HS6ST2: variants seen among roughly 807,000 people sequenced by gnomAD.
HS6ST2 encodes the protein heparan sulfate 6-O-sulfotransferase 2.
Under a neutral mutation model 33.0 loss-of-function variants are expected in HS6ST2, and 17 were observed. The observed-to-expected ratio is 0.52, with a 90% CI of 0.35 to 0.77. HS6ST2 has a LOEUF of 0.77. HS6ST2 is among the 30% of genes least tolerant of loss of function. The pLI, the probability that HS6ST2 is intolerant of heterozygous loss-of-function variation, is 0.01. For missense variants in HS6ST2, 519 were observed against 551.7 expected, an observed-to-expected ratio of 0.94 and a Z score of 0.59; for synonymous variants, 248 against 237.1, an observed-to-expected ratio of 1.05 and a Z score of -0.42.
In HS6ST2 at chrX:132,958,328, C is replaced by T; in HGVS notation, c.275G>A (p.Arg92Gln). Residue 92 changes from arginine to glutamine, a missense_variant, in exon 1 of 5, where the codon CGG becomes CAG. Transcript: ENST00000370833. ...GACGTGCATCCGCCTGCGGCGGCCC[C>T]GGGACAGCAGCGCGAAAAGCGGGGC... ...ACAPLFALLS[R>Q]GRRRRMHVLR... 8.3e-7 allele frequency: 1 copy of T among 1,197,665 alleles called. No homozygotes were observed. Among genetic ancestry groups the T allele is most frequent in the Non-Finnish European group, 1.1e-6 (1 of 893,420 alleles).
At chrX:132,709,841 A>ACACACACACACACACACAC in intron 2 of HS6ST2, among the ~76,000 whole-genome samples, 1 of 109,876 alleles carries the variant, frequency 9.1e-6, no homozygotes, top group African/African-American at 3.3e-5. Flanking sequence ...ACACACACAC[A>ACACACACACACACACACAC]AGAAAATATT....
chrX:132,651,378 G>T (rs2063691338), intron 4 of HS6ST2, among the ~76,000 whole-genome samples: 1 of 111,682 alleles, frequency 9.0e-6, no homozygotes, highest in Non-Finnish European at 1.9e-5. Flanking sequence ...CACTTCCCCA[G>T]AGTTGATCTA....
intron 2 of HS6ST2, among the ~76,000 whole-genome samples, chrX:132,949,567 C>A (rs367974425): frequency 1.8e-5 from 2 of 110,320 alleles, no homozygotes; most frequent in African/African-American, 3.3e-5. Flanking sequence ...TGAGGCTACT[C>A]TCCTCATTAA....
At position 132,739,205 on chromosome X, in the gene HS6ST2, G is replaced by A. The variant is rs190690501; in HGVS notation, c.948-30711C>T. Among the ~76,000 whole-genome samples the A allele has an allele frequency of 6.7e-3, 744 of 111,283 alleles. 6 individuals carry two copies. The highest frequency in any genetic ancestry group is 0.023 in the African/African-American group (697 of 30,600). Reference sequence around the variant, plus strand: ...CTTTGAAGAAGCGGTTGCCAGAGGCGGTGAGCAAGTTCCTTAACCACAGTA... The same window carrying A: ...CTTTGAAGAAGCGGTTGCCAGAGGCAGTGAGCAAGTTCCTTAACCACAGTA... On this transcript the variant is annotated intron_variant, in intron 2 of 4. Coordinates refer to ENST00000370833, the MANE Select transcript of HS6ST2 (RefSeq NM_001394073.1).
chrX:132,733,830 C>T (rs992676435), intron 2 of HS6ST2, among the ~76,000 whole-genome samples: 2 of 109,696 alleles, frequency 1.8e-5, no homozygotes, highest in Non-Finnish European at 1.9e-5. Flanking sequence ...CATTCCTTTA[C>T]ATAAGGTATT....
intron 2 of HS6ST2, among the ~76,000 whole-genome samples, chrX:132,883,506 C>T (rs763760919): frequency 9.0e-6 from 1 of 110,938 alleles, no homozygotes; most frequent in East Asian, 2.9e-4. Context: ...CGTTAACCAA[C>T]AGCTTTTTAT....
intron 2 of HS6ST2, among the ~76,000 whole-genome samples, chrX:132,761,387 A>G (rs2064803995): frequency 9.0e-6 from 1 of 111,063 alleles, no homozygotes. Context: ...GAGACTGCCA[A>G]TGGGATCCCA....
At chrX:132,825,829 T>C (rs1389376237) in intron 2 of HS6ST2, among the ~76,000 whole-genome samples, 1 of 111,863 alleles carries the variant, frequency 8.9e-6, no homozygotes, top group Non-Finnish European at 1.9e-5. Context: ...TTTCCACAAT[T>C]TCCTTTATGT....
intron 2 of HS6ST2, among the ~76,000 whole-genome samples, chrX:132,945,585 G>C (rs1383421744): frequency 9.1e-6 from 1 of 110,492 alleles, no homozygotes; most frequent in African/African-American, 3.3e-5. Context: ...AGTCACAATA[G>C]CAAAGACCTG....
At chrX:132,856,336 A>T (rs1753026973) in intron 2 of HS6ST2, among the ~76,000 whole-genome samples, 1 of 112,158 alleles carries the variant, frequency 8.9e-6, no homozygotes, top group African/African-American at 3.2e-5. Flanking sequence ...CCTAATTTAT[A>T]AGTTAAACTT....
chrX:132,893,647 G>A (rs1305772775), intron 2 of HS6ST2, among the ~76,000 whole-genome samples: 1 of 111,843 alleles, frequency 8.9e-6, no homozygotes, highest in Non-Finnish European at 1.9e-5. Flanking sequence ...CAGGCTGGGA[G>A]ACATTCACCC....
At chrX:132,763,667 C>T (rs926896120) in intron 2 of HS6ST2, among the ~76,000 whole-genome samples, 1 of 111,872 alleles carries the variant, frequency 8.9e-6, no homozygotes, top group Non-Finnish European at 1.9e-5. Flanking sequence ...GCTCACTTGA[C>T]GATGCTAGGG....
upstream of HS6ST2, among the ~76,000 whole-genome samples, chrX:132,959,796 A>C (rs934446536): frequency 2.7e-5 from 3 of 112,184 alleles, no homozygotes; most frequent in Non-Finnish European, 3.8e-5. Context: ...GATGAAATGT[A>C]GAAACCTTTA....
At chrX:132,710,176 T>A (rs2064219206) in intron 2 of HS6ST2, among the ~76,000 whole-genome samples, 1 of 110,767 alleles carries the variant, frequency 9.0e-6, no homozygotes, top group Admixed American at 9.6e-5. Flanking sequence ...GAGTATTGAG[T>A]GACGATCCAT....
At chrX:132,946,172 T>G (rs894759072) in intron 2 of HS6ST2, among the ~76,000 whole-genome samples, 1 of 111,890 alleles carries the variant, frequency 8.9e-6, no homozygotes, top group Non-Finnish European at 1.9e-5. Context: ...ACACTGTTGG[T>G]GGGTCTGTAA....
chrX:132,642,741 C>T lies in HS6ST2; in HGVS notation c.1068-13648G>A, dbSNP rs139413833. 2.2e-4 allele frequency among the ~76,000 whole-genome samples: 25 copies of T among 112,300 alleles called. No individual in the cohort carries two copies. In the East Asian group the frequency reaches 6.2e-3, roughly 28 times the overall value. On this transcript the variant is annotated intron_variant, in intron 4 of 4. Transcript: ENST00000370833. ...CCTCTCTAGCTAAGGAATGTGATGT[C>T]ACACTGGGGCAAGTACAGGAAGGAG...
intron 2 of HS6ST2, among the ~76,000 whole-genome samples, chrX:132,768,308 C>CCTGGGTGA (rs2064867717): frequency 1.0e-5 from 1 of 97,646 alleles, no homozygotes; most frequent in Non-Finnish European, 2.0e-5. Context: ...TGTACTCCAG[C>CCTGGGTGA]CTGGGTGACA....
At chrX:132,887,315 C>G (rs1475554432) in intron 2 of HS6ST2, among the ~76,000 whole-genome samples, 1 of 111,696 alleles carries the variant, frequency 9.0e-6, no homozygotes, top group Non-Finnish European at 1.9e-5. Flanking sequence ...TCTTACAACT[C>G]AATAATGAGA....
intron 2 of HS6ST2, among the ~76,000 whole-genome samples, chrX:132,869,788 G>A (rs1459003268): frequency 4.5e-5 from 5 of 111,295 alleles, no homozygotes; most frequent in African/African-American, 1.6e-4. Flanking sequence ...GAGCTATTTA[G>A]TACAAACCCA....
Sources: allele counts gnomAD v4.1 joint callset (sites outside exome capture counted in the v4.1 genomes callset), GRCh38; gene constraint gnomAD v4.1.1; transcripts MANE v1.5; gene names NCBI Gene and HGNC (gene_info 2026-07-23, HGNC 2026-07-21).